Variants in CEP152 observed in about 807,000 individuals in gnomAD.
CEP152 encodes centrosomal protein of 152 kDa.
A neutral mutation model predicts 188.9 loss-of-function variants in CEP152; 132 were observed. That is an observed-to-expected ratio of 0.70 (90% CI 0.61 to 0.81). The LOEUF is 0.81. Ranked by LOEUF, CEP152 falls within the 30% of genes least tolerant of loss-of-function variation. CEP152 has a pLI of 0.00. For missense variants in CEP152, 1,914 were observed against 1,969.8 expected (o/e 0.97, Z 0.54); for synonymous variants, 649 against 666.6 (o/e 0.97, Z 0.41).
intron 2 of CEP152, among the ~76,000 whole-genome samples, chr15:48,802,790 G>C (rs958982632): frequency 5.9e-5 from 9 of 152,194 alleles, no homozygotes; most frequent in Admixed American, 5.2e-4. Flanking sequence ...AAACAATGGA[G>C]AGAATAGAAA....
At chr15:48,779,721 G>A (rs190388524) in intron 12 of CEP152, among the ~76,000 whole-genome samples, 1 of 152,280 alleles carries the variant, frequency 6.6e-6, no homozygotes, top group Non-Finnish European at 1.5e-5. Context: ...TAAAGCCCAC[G>A]CTCTTCCCAG....
intron 9 of CEP152, among the ~76,000 whole-genome samples, chr15:48,787,957 A>C (rs1219337673): frequency 6.6e-6 from 1 of 152,192 alleles, no homozygotes; most frequent in East Asian, 1.9e-4. Flanking sequence ...AAATCTCATT[A>C]AGTCTAGATC....
At chr15:48,797,777 T>C in intron 3 of CEP152, 47 bp from the exon 4 acceptor site, 3 of 1,597,704 alleles carry the variant, frequency 1.9e-6, no homozygotes, top group South Asian at 1.1e-5. Flanking sequence ...CATTTATTTG[T>C]ACATAGATAA....
chr15:48,810,342 T>C (rs1317596043), intron 1 of CEP152: 3 of 152,190 alleles, frequency 2.0e-5, no homozygotes, highest in Admixed American at 6.5e-5. Context: ...CTGTTCAAGA[T>C]TACAAAGTTT....
At chr15:48,743,899 T>G (rs150006412) in intron 24 of CEP152, among the ~76,000 whole-genome samples, 7 of 152,122 alleles carry the variant, frequency 4.6e-5, no homozygotes, top group African/African-American at 1.7e-4. Context: ...TAATAGTTAA[T>G]TGCTCATTTA....
chr15:48,802,340 CAGTT>C (rs1351824008), intron 2 of CEP152, among the ~76,000 whole-genome samples: 2 of 152,224 alleles, frequency 1.3e-5, no homozygotes, highest in African/African-American at 4.8e-5. Flanking sequence ...TAATGCCCTC[CAGTT>C]AGTTAGGAGA....
intron 19 of CEP152, among the ~76,000 whole-genome samples, chr15:48,757,899 G>A (rs1449064222): frequency 2.6e-5 from 4 of 152,182 alleles, no homozygotes; most frequent in South Asian, 2.1e-4. Context: ...CAGGTGACTC[G>A]GATAGAGGTG....
At chr15:48,794,097 C>T (rs573604170) in intron 6 of CEP152, among the ~76,000 whole-genome samples, 1 of 152,122 alleles carries the variant, frequency 6.6e-6, no homozygotes, top group African/African-American at 2.4e-5. Flanking sequence ...GTACTATGTT[C>T]ACTATTTGGG....
Position 48,738,388 on chromosome 15 carries a change from T to TCAG in CEP152, c.4991_4993dup (p.Ala1664dup). 1 of 1,614,194 alleles carries TCAG rather than the reference T, an allele frequency of 6.2e-7. No individual in the cohort carries two copies. The highest frequency in any genetic ancestry group is 1.1e-5 in the South Asian group (1 of 91,088). On this transcript the variant is annotated inframe_insertion, in exon 27 of 27. Coordinates refer to ENST00000380950, the MANE Select transcript of CEP152 (RefSeq NM_001194998.2). ...TTTTTTGAAATCTGACTTTAATCTA[T>TCAG]CAGCCTTATGACGAGATGGGTGTCC...
intron 19 of CEP152, 83 bp from the exon 20 acceptor site, chr15:48,756,636 A>G (rs1198560018): frequency 6.4e-6 from 8 of 1,255,172 alleles, no homozygotes; most frequent in Non-Finnish European, 9.0e-6. Flanking sequence ...ATTTTGGTTA[A>G]CCTCTGAAGC....
intron 2 of CEP152, among the ~76,000 whole-genome samples, chr15:48,731,198 G>C (rs976315431): frequency 5.3e-5 from 8 of 152,182 alleles, no homozygotes; most frequent in African/African-American, 1.9e-4. Context: ...ACGTTCTAGA[G>C]ATCTGATGTA....
chr15:48,770,647 A>T (rs560242559), intron 13 of CEP152, among the ~76,000 whole-genome samples: 1 of 152,344 alleles, frequency 6.6e-6, no homozygotes, highest in South Asian at 2.1e-4. Flanking sequence ...CAAATTGAGA[A>T]ACAAGCTTTC....
At chr15:48,809,398 G>A (rs777588230) in intron 1 of CEP152, among the ~76,000 whole-genome samples, 1 of 152,122 alleles carries the variant, frequency 6.6e-6, no homozygotes, top group Non-Finnish European at 1.5e-5. Context: ...GATATAAACA[G>A]TTACAATAAC....
At position 48,748,419 on chromosome 15, in the gene CEP152, A is replaced by G. The variant is rs1307086152; in HGVS notation, c.3634+24T>C. 21 of 1,508,294 alleles carry G rather than the reference A, an allele frequency of 1.4e-5. No homozygotes were observed. The Admixed American group carries it at 2.5e-4, about 18-fold the overall frequency. The allele number at this position is 1,508,294 out of a possible 1,614,324, so 93.4% of individuals were successfully genotyped here. On this transcript the variant is annotated intron_variant, in intron 22 of 26. Coordinates refer to ENST00000380950, the MANE Select transcript of CEP152 (RefSeq NM_001194998.2). ...AAGGATCAAAGAAATTCATATTGGT[A>G]GCAGTGCTACTTTAAATGCTAACCT...
At chr15:48,794,796 T>C (rs1210329146) in intron 6 of CEP152, among the ~76,000 whole-genome samples, 2 of 152,210 alleles carry the variant, frequency 1.3e-5, no homozygotes, top group Non-Finnish European at 2.9e-5. Context: ...TTATGTCATA[T>C]ACACTGTCCA....
At chr15:48,768,468 CAAAAGA>C in intron 14 of CEP152, 140 bp from the exon 15 acceptor site, 1 of 607,398 alleles carries the variant, frequency 1.6e-6, no homozygotes, top group Non-Finnish European at 2.9e-6. Flanking sequence ...TACAATTCTG[CAAAAGA>C]AAAAGTCTCT....
intron 12 of CEP152, among the ~76,000 whole-genome samples, chr15:48,777,023 T>C (rs777379291): frequency 5.9e-5 from 9 of 152,096 alleles, no homozygotes; most frequent in Admixed American, 2.0e-4. Flanking sequence ...CATATTCCAA[T>C]AGACAAGCTT....
chr15:48,745,457 T>C (rs943177434), intron 22 of CEP152, among the ~76,000 whole-genome samples: 1 of 151,702 alleles, frequency 6.6e-6, no homozygotes, highest in Non-Finnish European at 1.5e-5. Context: ...GAACTTTGTG[T>C]GTGTGTGTGT....
chr15:48,755,116 GATCATAA>G (rs2140660761), intron 20 of CEP152, among the ~76,000 whole-genome samples: 1 of 151,118 alleles, frequency 6.6e-6, no homozygotes, highest in African/African-American at 2.4e-5. Context: ...TAATTGCTTT[GATCATAA>G]GGTAGCAAGA....
Sources: gnomAD v4.1 joint callset for allele counts (sites outside exome capture counted in the v4.1 genomes callset) on GRCh38, gnomAD v4.1.1 for gene constraint, MANE v1.5 for transcripts, NCBI Gene and HGNC (gene_info 2026-07-23, HGNC 2026-07-21) for gene names.